ASCC3: variants seen among roughly 807,000 people sequenced by gnomAD.
ASCC3 encodes ASC-1 complex subunit P200.
ASCC3 carries 158 observed loss-of-function variants against 256.3 expected under a neutral mutation model. The ratio of observed to expected loss-of-function variants is 0.62; its 90% CI spans 0.54 to 0.70. ASCC3 has a LOEUF of 0.70. Among genes scored for constraint, ASCC3 ranks in the 30% least tolerant of loss-of-function variants. The probability of loss-of-function intolerance (pLI) is 0.00; values close to 1 mark genes in which losing one functional copy is unlikely to be tolerated. For missense variants in ASCC3, 2,259 were observed against 2,626.0 expected (o/e 0.86, Z 3.05); for synonymous variants, 948 against 883.4 (o/e 1.07, Z -1.30).
chr6:100,852,548 G>C (rs751019240), intron 3 of ASCC3, among the ~76,000 whole-genome samples: 6 of 152,122 alleles, frequency 3.9e-5, no homozygotes, highest in Non-Finnish European at 8.8e-5. Context: ...TATGATCTTT[G>C]GTTAAGTTAA....
chr6:100,565,139 C>G (rs1770166192), intron 36 of ASCC3, among the ~76,000 whole-genome samples: 2 of 152,118 alleles, frequency 1.3e-5, no homozygotes, highest in African/African-American at 2.4e-5. Context: ...TTGACCAGAG[C>G]TTTAACTGCA....
intron 27 of ASCC3, 76 bp downstream of exon 27, chr6:100,628,939 C>G (rs1774393801): frequency 1.6e-6 from 2 of 1,288,854 alleles, no homozygotes. Context: ...ATATTACATG[C>G]AAATTAAAAA....
chr6:100,832,695 G>A (rs1368614917), intron 4 of ASCC3, among the ~76,000 whole-genome samples: 1 of 152,002 alleles, frequency 6.6e-6, no homozygotes, highest in Non-Finnish European at 1.5e-5. Context: ...GTATGCACCA[G>A]ACGTAAAATT....
chr6:100,646,825 A>C, intron 21 of ASCC3, 56 bp from the exon 22 acceptor site: 1 of 1,537,430 alleles, frequency 6.5e-7, no homozygotes, highest in Non-Finnish European at 9.0e-7. Context: ...AAGCAATATA[A>C]TCTGACTTGT....
At chr6:100,534,543 G>A (rs1420070367) in intron 37 of ASCC3, among the ~76,000 whole-genome samples, 1 of 152,200 alleles carries the variant, frequency 6.6e-6, no homozygotes, top group Non-Finnish European at 1.5e-5. Flanking sequence ...AAGGTAAAGG[G>A]CAAGGACAAT....
At chr6:100,702,459 G>A (rs1169129646) in intron 13 of ASCC3, among the ~76,000 whole-genome samples, 2 of 152,160 alleles carry the variant, frequency 1.3e-5, no homozygotes, top group Admixed American at 1.3e-4. Context: ...ACACCCAAGA[G>A]AAAAGGCCAG....
chr6:100,814,393 G>A (rs1770639995), intron 4 of ASCC3, among the ~76,000 whole-genome samples: 1 of 151,992 alleles, frequency 6.6e-6, no homozygotes, highest in Non-Finnish European at 1.5e-5. Context: ...TAGGCCTGAA[G>A]TTTTCTTTTT....
chr6:100,805,620 T>C (rs1413090291), intron 5 of ASCC3, 140 bp downstream of exon 5: 53 of 1,059,786 alleles, frequency 5.0e-5, no homozygotes, highest in Non-Finnish European at 6.7e-5. Flanking sequence ...ATATGCCATA[T>C]CTAAAATCTA....
At chr6:100,834,289 T>C (rs1321898892) in intron 4 of ASCC3, among the ~76,000 whole-genome samples, 2 of 152,236 alleles carry the variant, frequency 1.3e-5, no homozygotes, top group Non-Finnish European at 2.9e-5. Context: ...ATATTTCAAA[T>C]GTTAGCACAA....
chr6:100,803,163 C>T (rs1026376885), intron 5 of ASCC3, among the ~76,000 whole-genome samples: 1 of 147,544 alleles, frequency 6.8e-6, no homozygotes, highest in Non-Finnish European at 1.5e-5. Context: ...TACTCATAAA[C>T]CTTGCTGGCT....
intron 36 of ASCC3, among the ~76,000 whole-genome samples, chr6:100,576,960 T>G (rs1582478362): frequency 7.2e-6 from 1 of 139,364 alleles, no homozygotes; most frequent in Admixed American, 7.1e-5. Context: ...TTGACTGGAG[T>G]AGTTTCATAT....
chr6:100,742,017 T>G (rs988597036), intron 10 of ASCC3, among the ~76,000 whole-genome samples: 6 of 152,192 alleles, frequency 3.9e-5, no homozygotes, highest in African/African-American at 9.6e-5. Context: ...CTTCAATCTT[T>G]GAGGTTGCTG....
intron 8 of ASCC3, among the ~76,000 whole-genome samples, chr6:100,795,581 C>G (rs992146030): frequency 2.0e-5 from 3 of 152,056 alleles, no homozygotes; most frequent in Non-Finnish European, 2.9e-5. Context: ...CCTGACTAAT[C>G]AAGAGATGCA....
In ASCC3 at chr6:100,665,746, C is replaced by CAA. The variant is rs35000547; in HGVS notation, c.2287-3212_2287-3211dup. Among the ~76,000 whole-genome samples, 88 of 143,952 alleles carry CAA rather than the reference C, an allele frequency of 6.1e-4. 1 individual carries two copies. The highest frequency in any genetic ancestry group is 3.4e-3 in the Middle Eastern group (1 of 292). 94.4% of individuals were successfully genotyped at this position (143,952 alleles called of 152,430 possible). On this transcript the variant is annotated intron_variant, in intron 14 of 41. Coordinates refer to ENST00000369162, the MANE Select transcript of ASCC3 (RefSeq NM_006828.4). ...CAGAGTGAGACTCTGTCTCAAAAAACAAAAAAAAAAGAAGAAAAAAAAATG... is the reference window on the plus strand; with the variant it reads ...CAGAGTGAGACTCTGTCTCAAAAAACAAAAAAAAAAAAGAAGAAAAAAAAATG...
intron 34 of ASCC3, among the ~76,000 whole-genome samples, chr6:100,600,426 T>C (rs2114794187): frequency 6.6e-6 from 1 of 152,278 alleles, no homozygotes; most frequent in Non-Finnish European, 1.5e-5. Flanking sequence ...GTTTGTTTAC[T>C]GTGGTAAATG....
In ASCC3 at chr6:100,800,449, G is replaced by T; in HGVS notation, c.978C>A (p.Val326=). ...ENAKPNYGCQ[V]TIQSEQEKQL... is the part of the protein sequence containing the mutation. ...GCTTTTCTTGTTCAGACTGAATAGT[G>T]ACTTGACAACCATAATTGGGTTTAG... The change falls in exon 6 of 42, where the codon GTC becomes GTA. Residue 326 remains valine, a synonymous_variant. Transcript: ENST00000369162. 6.2e-7 allele frequency: 1 copy of T among 1,612,254 alleles called. No individual in the cohort carries two copies. Among genetic ancestry groups the T allele is most frequent in the South Asian group, 1.1e-5 (1 of 91,016 alleles).
intron 1 of ASCC3, among the ~76,000 whole-genome samples, chr6:100,875,933 A>G (rs1159253253): frequency 1.3e-5 from 2 of 152,202 alleles, no homozygotes; most frequent in Non-Finnish European, 2.9e-5. Context: ...AAAGAAAAGG[A>G]GAAAAAGTAG....
At chr6:100,628,890 A>G (rs1774389458) in intron 27 of ASCC3, 125 bp downstream of exon 27, 1 of 878,906 alleles carries the variant, frequency 1.1e-6, no homozygotes, top group East Asian at 2.7e-5. Flanking sequence ...TTATATACAT[A>G]CATCAAAAAA....
chr6:100,740,568 A>G (rs535809946), intron 10 of ASCC3, among the ~76,000 whole-genome samples: 1 of 152,192 alleles, frequency 6.6e-6, no homozygotes, highest in Non-Finnish European at 1.5e-5. Context: ...TGTGAATCTA[A>G]GTCTCTCTGT....
Sources: gnomAD v4.1 joint callset for allele counts (sites outside exome capture counted in the v4.1 genomes callset) on GRCh38, gnomAD v4.1.1 for gene constraint, MANE v1.5 for transcripts, NCBI Gene and HGNC (gene_info 2026-07-23, HGNC 2026-07-21) for gene names.